The following FAM167A variants were observed in gnomAD, a reference collection of about 807,000 sequenced individuals.
FAM167A encodes the protein protein FAM167A.
In FAM167A, 23 loss-of-function variants were observed where a neutral mutation model predicts 14.9. That is an observed-to-expected ratio of 1.55 (90% CI 1.11 to 2.19). FAM167A has a LOEUF of 2.19. Among genes scored for constraint, FAM167A ranks in the 30% most tolerant of loss-of-function variants. The probability of loss-of-function intolerance (pLI) is 0.00; values close to 1 mark genes in which losing one functional copy is unlikely to be tolerated. For synonymous variants in FAM167A, 174 were observed against 117.7 expected (o/e 1.48, Z -3.10); for missense variants, 401 against 281.5 (o/e 1.42, Z -3.04).
rs1364878422 is a variant in FAM167A, at chr8:11,422,063, C to T, written c.*2310G>A. ...TCTTAGGATAAACCGAGCAAAATAG[C>T]TCAGACATTTAACTTATCCCCAAAC... On this transcript the variant is annotated 3_prime_UTR_variant, in exon 3 of 3. Coordinates refer to ENST00000284486, the MANE Select transcript of FAM167A (RefSeq NM_053279.3). 7 of 374,678 alleles carry T rather than the reference C, an allele frequency of 1.9e-5. No individual in the cohort carries two copies. Among genetic ancestry groups the T allele is most frequent in the Non-Finnish European group, 3.3e-5 (7 of 211,726 alleles). The allele number at this position is 374,678 out of a possible 1,614,324, so 23.2% of individuals were successfully genotyped here. A position where few individuals can be genotyped will look rare whatever the true frequency, so the allele number is the denominator to read the frequency against.
upstream of FAM167A, among the ~76,000 whole-genome samples, chr8:11,469,489 AG>A (rs1451377447): frequency 1.6e-4 from 6 of 36,648 alleles, no homozygotes; most frequent in South Asian, 5.0e-3. Context: ...GATTCCTTAC[AG>A]AGAAGTTTTC....
intron 2 of FAM167A, among the ~76,000 whole-genome samples, chr8:11,426,755 G>C (rs1039606351): frequency 6.6e-6 from 1 of 152,204 alleles, no homozygotes; most frequent in African/African-American, 2.4e-5. Context: ...TGGTTGATCA[G>C]TCTTTGATCA....
intron 2 of FAM167A, among the ~76,000 whole-genome samples, chr8:11,443,434 C>G (rs1806560044): frequency 6.6e-6 from 1 of 152,244 alleles, no homozygotes; most frequent in African/African-American, 2.4e-5. Context: ...TCTGAGCCTC[C>G]TCACCGAGCT....
chr8:11,461,130 C>G lies in FAM167A; in HGVS notation c.-398+5496G>C, dbSNP rs530171051. On this transcript the variant is annotated intron_variant, in intron 1 of 2. Coordinates refer to ENST00000284486, the MANE Select transcript of FAM167A (RefSeq NM_053279.3). ...GCCACAGATCTAATTTATGGGCTCC[C>G]TGCAAGGCGGGGAGAAAGCCCAGGG... Among the ~76,000 whole-genome samples the G allele has an allele frequency of 1.2e-4, 18 of 152,340 alleles. No individual in the cohort carries two copies. The East Asian group carries it at 3.5e-3, about 29-fold the overall frequency.
intron 2 of FAM167A, among the ~76,000 whole-genome samples, chr8:11,431,645 C>T (rs1224939449): frequency 6.6e-6 from 1 of 152,072 alleles, no homozygotes; most frequent in African/African-American, 2.4e-5. Flanking sequence ...ATACTGCATC[C>T]AGGGGACCTC....
intron 1 of FAM167A, among the ~76,000 whole-genome samples, chr8:11,472,610 C>G (rs369170780): frequency 1.3e-5 from 2 of 151,892 alleles, no homozygotes; most frequent in Non-Finnish European, 2.9e-5. Flanking sequence ...GACCGGAAAC[C>G]CTGATGGGCA....
At chr8:11,440,576 T>C (rs1403171394) in intron 2 of FAM167A, among the ~76,000 whole-genome samples, 3 of 152,200 alleles carry the variant, frequency 2.0e-5, no homozygotes, top group African/African-American at 7.2e-5. Flanking sequence ...TGAGGTGACA[T>C]TGACCACTGC....
intron 1 of FAM167A, among the ~76,000 whole-genome samples, chr8:11,473,865 C>T (rs1405023650): frequency 6.6e-5 from 10 of 152,000 alleles, no homozygotes; most frequent in African/African-American, 1.9e-4. Flanking sequence ...TTTTCTTTTT[C>T]TTTTCTTTCT....
At chr8:11,441,898 A>G (rs968322087) in intron 2 of FAM167A, among the ~76,000 whole-genome samples, 1 of 152,224 alleles carries the variant, frequency 6.6e-6, no homozygotes, top group East Asian at 1.9e-4. Flanking sequence ...CAGGAAAAGC[A>G]GGGGTACCAG....
intron 2 of FAM167A, among the ~76,000 whole-genome samples, chr8:11,432,388 C>G (rs1805667439): frequency 6.6e-6 from 1 of 152,016 alleles, no homozygotes. Flanking sequence ...AAAGAACAAC[C>G]CCATCAAGAA....
chr8:11,460,737 C>T (rs1050300649), intron 1 of FAM167A, among the ~76,000 whole-genome samples: 2 of 152,164 alleles, frequency 1.3e-5, no homozygotes, highest in African/African-American at 4.8e-5. Flanking sequence ...CCAGAGCCAT[C>T]GAAAGAACTG....
intron 2 of FAM167A, among the ~76,000 whole-genome samples, chr8:11,426,701 TAA>T (rs1805191722): frequency 6.6e-6 from 1 of 152,174 alleles, no homozygotes; most frequent in African/African-American, 2.4e-5. Flanking sequence ...TGTAGGTAGA[TAA>T]GAGACAAACG....
upstream of FAM167A, among the ~76,000 whole-genome samples, chr8:11,470,365 C>T (rs934199844): frequency 2.0e-5 from 3 of 152,200 alleles, no homozygotes; most frequent in African/African-American, 4.8e-5. Flanking sequence ...GGCCAACAAA[C>T]GTGCCTGCCA....
At chr8:11,465,759 C>T (rs2117159465) in intron 1 of FAM167A, among the ~76,000 whole-genome samples, 1 of 152,228 alleles carries the variant, frequency 6.6e-6, no homozygotes, top group Admixed American at 6.5e-5. Flanking sequence ...GGTGAAAACC[C>T]TGTGGATAGG....
At chr8:11,456,295 A>T (rs1397752215) in intron 1 of FAM167A, among the ~76,000 whole-genome samples, 2 of 127,898 alleles carry the variant, frequency 1.6e-5, no homozygotes, top group African/African-American at 6.5e-5. Flanking sequence ...TATCAGTGTG[A>T]GTGTGAGGTG....
At chr8:11,460,264 T>C (rs1015601711) in intron 1 of FAM167A, among the ~76,000 whole-genome samples, 4 of 152,192 alleles carry the variant, frequency 2.6e-5, no homozygotes, top group Admixed American at 1.3e-4. Flanking sequence ...GCATTGCCGA[T>C]GGGAGCGGGA....
At chr8:11,446,528 G>C (rs1456499411) in intron 1 of FAM167A, 4 of 152,198 alleles carry the variant, frequency 2.6e-5, no homozygotes, top group African/African-American at 9.7e-5. Context: ...CAGCCGGGGT[G>C]GAGAACCACT....
At chr8:11,456,138 T>G (rs1164163498) in intron 1 of FAM167A, among the ~76,000 whole-genome samples, 6 of 24,102 alleles carry the variant, frequency 2.5e-4, no homozygotes, top group African/African-American at 7.4e-4. Flanking sequence ...TGCCTTGCTG[T>G]GTGTGTGTGT....
intron 2 of FAM167A, among the ~76,000 whole-genome samples, chr8:11,428,676 C>G (rs1805356229): frequency 6.6e-6 from 1 of 152,186 alleles, no homozygotes; most frequent in Non-Finnish European, 1.5e-5. Context: ...GTTGGGATCC[C>G]TGCACACAAA....
Sources: gnomAD v4.1 joint callset for allele counts (sites outside exome capture counted in the v4.1 genomes callset) on GRCh38, gnomAD v4.1.1 for gene constraint, MANE v1.5 for transcripts, NCBI Gene and HGNC (gene_info 2026-07-23, HGNC 2026-07-21) for gene names.